Variants in RTN4IP1 observed in about 807,000 individuals in gnomAD.
The protein encoded by RTN4IP1 is NAD(P)H oxidoreductase RTN4IP1, mitochondrial.
Under a neutral mutation model 46.6 loss-of-function variants are expected in RTN4IP1, and 32 were observed. That is an observed-to-expected ratio of 0.69 (90% CI 0.52 to 0.92). The LOEUF (loss-of-function observed/expected upper bound fraction) is 0.92. Ranked by LOEUF, RTN4IP1 falls within the 40% of genes least tolerant of loss-of-function variation. RTN4IP1 has a pLI of 0.00. For synonymous variants in RTN4IP1, 167 were observed against 161.8 expected (o/e 1.03, Z -0.24); for missense variants, 424 against 485.8 (o/e 0.87, Z 1.20).
chr6:106,629,832 G>C, upstream of RTN4IP1: 3 of 1,157,832 alleles, frequency 2.6e-6, no homozygotes, highest in Non-Finnish European at 2.5e-6. Flanking sequence ...AACTGAGTGG[G>C]GGATAAGTAC....
intron 4 of RTN4IP1, among the ~76,000 whole-genome samples, chr6:106,611,808 G>T (rs191876833): frequency 6.6e-6 from 1 of 152,272 alleles, no homozygotes; most frequent in Non-Finnish European, 1.5e-5. Flanking sequence ...AGAAGAGTTT[G>T]TGTGTGAATT....
At chr6:106,575,442 G>T (rs1177476786) in intron 8 of RTN4IP1, among the ~76,000 whole-genome samples, 1 of 152,232 alleles carries the variant, frequency 6.6e-6, no homozygotes, top group Non-Finnish European at 1.5e-5. Flanking sequence ...GGGACGACGG[G>T]AACCTTAACC....
At chr6:106,620,325 G>C (rs759899639) in intron 3 of RTN4IP1, among the ~76,000 whole-genome samples, 4 of 152,006 alleles carry the variant, frequency 2.6e-5, no homozygotes, top group Non-Finnish European at 5.9e-5. Flanking sequence ...GGCTGGTCTC[G>C]AACTCCTGAC....
At position 106,571,906 on chromosome 6, in the gene RTN4IP1, A is replaced by T; in HGVS notation, c.*90T>A. On this transcript the variant is annotated 3_prime_UTR_variant, in exon 9 of 9. Transcript: ENST00000369063. ...ATGGAATGTATAATCTAATCTGGAA[A>T]AATGTTTGAAAGGGATGGCTAGAAA... 1.3e-6 allele frequency: 1 copy of T among 788,570 alleles called. No individual in the cohort carries two copies. Among genetic ancestry groups the T allele is most frequent in the Non-Finnish European group, 2.2e-6 (1 of 461,192 alleles). The allele number at this position is 788,570 out of a possible 1,614,324, so 48.8% of individuals were successfully genotyped here.
At chr6:106,599,503 A>T (rs1396457901) in intron 5 of RTN4IP1, among the ~76,000 whole-genome samples, 6 of 149,236 alleles carry the variant, frequency 4.0e-5, no homozygotes, top group African/African-American at 1.5e-4. Context: ...CTTAAACACC[A>T]CTGCTTAGTT....
intron 5 of RTN4IP1, among the ~76,000 whole-genome samples, chr6:106,597,682 A>AT (rs1214874791): frequency 7.2e-6 from 1 of 139,090 alleles, no homozygotes; most frequent in Non-Finnish European, 1.6e-5. Context: ...TTTTTTCTGC[A>AT]TTTTGTTTCT....
chr6:106,618,956 A>C (rs1419805581), intron 4 of RTN4IP1, among the ~76,000 whole-genome samples: 1 of 152,210 alleles, frequency 6.6e-6, no homozygotes, highest in African/African-American at 2.4e-5. Context: ...TCTGACTCCT[A>C]AAGTCCATTC....
chr6:106,629,266 T>C lies in RTN4IP1; in HGVS notation c.-245A>G. 3.6e-6 allele frequency: 2 copies of C among 555,716 alleles called. No homozygotes were observed. The highest frequency in any genetic ancestry group is 4.9e-5 in the South Asian group (2 of 40,652). 34.4% of individuals were successfully genotyped at this position (555,716 alleles called of 1,614,324 possible). The stretch of plus-strand genomic sequence containing the variant: ...GTTCCAGTCAGTATTCTGTCCATTC[T>C]CCTCCCTCACTTTCACCCCCTCCAC... On this transcript the variant is annotated 5_prime_UTR_variant, in exon 1 of 9. Transcript: ENST00000369063.
chr6:106,584,304 T>C (rs1775435323), intron 7 of RTN4IP1, among the ~76,000 whole-genome samples: 1 of 152,130 alleles, frequency 6.6e-6, no homozygotes, highest in Non-Finnish European at 1.5e-5. Context: ...GAGCTGAGGT[T>C]CTCCATGATA....
intron 5 of RTN4IP1, among the ~76,000 whole-genome samples, chr6:106,599,752 A>C (rs548413282): frequency 6.6e-6 from 1 of 151,898 alleles, no homozygotes; most frequent in South Asian, 2.1e-4. Flanking sequence ...CCCTGCTCTG[A>C]AATTCTGGTA....
chr6:106,621,030 T>C (rs1281079438), intron 3 of RTN4IP1, among the ~76,000 whole-genome samples: 1 of 152,200 alleles, frequency 6.6e-6, no homozygotes, highest in East Asian at 1.9e-4. Context: ...ATTCAATTTG[T>C]TGGTCTCCTG....
intron 4 of RTN4IP1, chr6:106,607,925 G>C (rs1403410315): frequency 6.6e-6 from 1 of 152,204 alleles, no homozygotes; most frequent in Admixed American, 6.5e-5. Flanking sequence ...AAAACGGTAT[G>C]AAGTTTTCCC....
intron 8 of RTN4IP1, among the ~76,000 whole-genome samples, chr6:106,572,817 C>T (rs773443396): frequency 3.9e-5 from 6 of 151,980 alleles, no homozygotes; most frequent in Non-Finnish European, 8.8e-5. Flanking sequence ...AAGTGTTTGG[C>T]ATATCTACCC....
intron 6 of RTN4IP1, among the ~76,000 whole-genome samples, chr6:106,591,679 G>C (rs1262946278): frequency 6.6e-6 from 1 of 152,044 alleles, no homozygotes; most frequent in Non-Finnish European, 1.5e-5. Flanking sequence ...TGGTACCTCA[G>C]GCCAAACCAC....
intron 5 of RTN4IP1, among the ~76,000 whole-genome samples, chr6:106,593,062 A>G (rs1469056526): frequency 2.0e-5 from 3 of 152,236 alleles, no homozygotes; most frequent in Non-Finnish European, 4.4e-5. Flanking sequence ...CTTCATTTGC[A>G]TCTCTAATAA....
chr6:106,607,684 T>C (rs148482455), intron 4 of RTN4IP1: 7 of 152,240 alleles, frequency 4.6e-5, no homozygotes, highest in African/African-American at 1.7e-4. Flanking sequence ...TCACCCTAGT[T>C]AGAATGGTTA....
chr6:106,573,057 C>G (rs1480591968), intron 8 of RTN4IP1, among the ~76,000 whole-genome samples: 1 of 152,146 alleles, frequency 6.6e-6, no homozygotes, highest in Non-Finnish European at 1.5e-5. Flanking sequence ...ACGGTGCAGC[C>G]GGTTACAATT....
At chr6:106,619,605 C>CT (rs1776433489) in intron 3 of RTN4IP1, among the ~76,000 whole-genome samples, 2 of 134,804 alleles carry the variant, frequency 1.5e-5, no homozygotes, top group South Asian at 2.3e-4. Context: ...TACTTTTCTT[C>CT]ATTTTTTTTT....
intron 4 of RTN4IP1, among the ~76,000 whole-genome samples, chr6:106,616,168 C>T (rs772596282): frequency 5.9e-5 from 9 of 152,162 alleles, no homozygotes; most frequent in Non-Finnish European, 1.3e-4. Context: ...CCACCCACCT[C>T]GGCCTCCCAA....
Sources: gnomAD v4.1 joint callset for allele counts (sites outside exome capture counted in the v4.1 genomes callset) on GRCh38, gnomAD v4.1.1 for gene constraint, MANE v1.5 for transcripts, NCBI Gene and HGNC (gene_info 2026-07-23, HGNC 2026-07-21) for gene names.